DOT1L: variants seen among roughly 807,000 people sequenced by gnomAD.
DOT1L encodes DOT1 like histone lysine methyltransferase.
DOT1L carries 33 observed loss-of-function variants against 153.3 expected under a neutral mutation model. The observed-to-expected ratio is 0.22, with a 90% CI of 0.16 to 0.29. The LOEUF (loss-of-function observed/expected upper bound fraction) is 0.29. Ranked by LOEUF, DOT1L falls within the 10% of genes least tolerant of loss-of-function variation. The pLI is 1.00. For missense variants in DOT1L, 1,847 were observed against 2,119.9 expected (o/e 0.87, Z 2.53); for synonymous variants, 1,135 against 965.1 (o/e 1.18, Z -3.26).
At chr19:2,214,841 G>T in intron 19 of DOT1L, 1 of 478,914 alleles carries the variant, frequency 2.1e-6, no homozygotes, top group East Asian at 4.0e-5. Flanking sequence ...AATGCGCAGC[G>T]CTAACCTAGG....
chr19:2,199,396 G>A (rs985587752), intron 7 of DOT1L, among the ~76,000 whole-genome samples: 1 of 152,236 alleles, frequency 6.6e-6, no homozygotes, highest in African/African-American at 2.4e-5. Flanking sequence ...CAGCCTGGCC[G>A]AGTGTCGCTG....
rs773470272 is a variant in DOT1L at position 2,216,634 on chromosome 19, C to T, written c.2277C>T (p.Arg759=). The part of the protein sequence containing the change: ...PCTPSHVGRP[R]LEKLSGLAAP... ...CCCCTAGCCACGTCGGCCGGCCGCGCCTGGAGAAGCTGTCTGGCCTAGCCG... is the reference window on the plus strand; with the variant it reads ...CCCCTAGCCACGTCGGCCGGCCGCGTCTGGAGAAGCTGTCTGGCCTAGCCG... Residue 759 remains arginine (R), a synonymous_variant, in exon 20 of 28, where the codon CGC becomes CGT. Transcript: ENST00000398665. 42 of 1,605,744 alleles carry T rather than the reference C, an allele frequency of 2.6e-5. No homozygotes were observed. Among genetic ancestry groups the T allele is most frequent in the Non-Finnish European group, 3.1e-5 (36 of 1,179,922 alleles).
At chr19:2,189,576 A>G (rs750379407) in intron 3 of DOT1L, among the ~76,000 whole-genome samples, 156 bp from the exon 4 acceptor site, 8 of 152,184 alleles carry the variant, frequency 5.3e-5, no homozygotes, top group Non-Finnish European at 1.2e-4. Flanking sequence ...TCAGGGCGGA[A>G]AGCGAGGCTT....
In DOT1L at chr19:2,211,184, C is replaced by A; in HGVS notation, c.1437C>A (p.Pro479=). The stretch of plus-strand genomic sequence containing the variant: ...CCCCCAACCCGCTGCTGGTGGCGCC[C>A]ACCCCGCCCGCGCTGCAGAAGCTTC... ...RHSPNPLLVA[P]TPPALQKLLE... is the part of the protein sequence containing the mutation. The change falls in exon 15 of 28, where the codon CCC becomes CCA. Residue 479 remains proline (P), a synonymous_variant. Coordinates refer to ENST00000398665, the MANE Select transcript of DOT1L (RefSeq NM_032482.3). 1.9e-6 allele frequency: 3 copies of A among 1,611,622 alleles called. No individual in the cohort carries two copies. Among genetic ancestry groups the A allele is most frequent in the Non-Finnish European group, 1.7e-6 (2 of 1,179,348 alleles).
chr19:2,201,766 G>A (rs1406667212), intron 8 of DOT1L, among the ~76,000 whole-genome samples: 1 of 152,230 alleles, frequency 6.6e-6, no homozygotes, highest in Non-Finnish European at 1.5e-5. Context: ...TCTGGGCTCG[G>A]CCCAGGCTCT....
At chr19:2,210,362 G>A (rs770340704) in intron 12 of DOT1L, 38 bp from the exon 13 acceptor site, 22 of 1,473,192 alleles carry the variant, frequency 1.5e-5, no homozygotes, top group Middle Eastern at 4.9e-4. Context: ...CGTGGGCAGC[G>A]CTGGGGCTTC....
intron 9 of DOT1L, 26 bp downstream of exon 9, chr19:2,202,805 T>C (rs1372970901): frequency 6.2e-7 from 1 of 1,613,782 alleles, no homozygotes; most frequent in South Asian, 1.1e-5. Context: ...CGCCGGTCTG[T>C]GCTGGTGTGA....
chr19:2,225,278 G>A, intron 25 of DOT1L, 110 bp from the exon 26 acceptor site: 5 of 1,089,560 alleles, frequency 4.6e-6, no homozygotes, highest in Non-Finnish European at 7.0e-6. Context: ...TGGGCCGAGT[G>A]CTTCTCGTTC....
rs1325633975 is a variant in DOT1L, at chr19:2,220,433, T to TA, written c.2806+212dup. ...CTCAGCTGCAGCCATCTCGGCCTCA[T>TA]ACCTGGGTCTCCCGACACTGACACC... On this transcript the variant is annotated intron_variant, in intron 23 of 27. Coordinates refer to ENST00000398665, the MANE Select transcript of DOT1L (RefSeq NM_032482.3). The surrounding 1 kb of genome is among the most constrained non-coding windows in gnomAD (Gnocchi z 4.5). 6.0e-6 allele frequency: 4 copies of TA among 665,772 alleles called. No individual in the cohort carries two copies. The highest frequency in any genetic ancestry group is 2.1e-5 in the Admixed American group (1 of 48,622). The allele number at this position is 665,772 out of a possible 1,614,324, so 41.2% of individuals were successfully genotyped here.
intron 3 of DOT1L, among the ~76,000 whole-genome samples, chr19:2,188,009 C>T (rs923768958): frequency 2.6e-5 from 4 of 151,966 alleles, no homozygotes; most frequent in Admixed American, 6.6e-5. Flanking sequence ...GGCAGCAGGC[C>T]GGCTCTGTGG....
chr19:2,220,067 G>A lies in DOT1L; in HGVS notation c.2692-41G>A. The A allele has an allele frequency of 6.4e-7, 1 of 1,554,910 alleles. No homozygotes were observed. Among genetic ancestry groups the A allele is most frequent in the African/African-American group, 1.4e-5 (1 of 73,788 alleles). On this transcript the variant is annotated intron_variant, in intron 22 of 27. Transcript: ENST00000398665. This position sits in a 1 kb window ranked among gnomAD's most constrained non-coding sequence, Gnocchi z 4.5. ...TCCAGCTGGGTTCTGGGTCTCCTGG[G>A]GCACCTGCTGCCCCTGACACACAGG...
chr19:2,226,078 C>T, intron 26 of DOT1L, 105 bp from the exon 27 acceptor site: 5 of 1,292,336 alleles, frequency 3.9e-6, no homozygotes, highest in Non-Finnish European at 5.2e-6. Flanking sequence ...TGTGACCAGC[C>T]CTGCCTGCAG....
intron 2 of DOT1L, among the ~76,000 whole-genome samples, chr19:2,183,751 C>T (rs1470402429): frequency 6.6e-6 from 1 of 151,896 alleles, no homozygotes; most frequent in Non-Finnish European, 1.5e-5. Context: ...CTCAGCCTCC[C>T]GAGTAGCTGG....
chr19:2,199,473 G>A lies in DOT1L; in HGVS notation c.652-411G>A, dbSNP rs528165942. On this transcript the variant is annotated intron_variant, in intron 7 of 27. Coordinates refer to ENST00000398665, the MANE Select transcript of DOT1L (RefSeq NM_032482.3). ...CAGGCCCTGCCTGGAGCCCAGCATG[G>A]TGGGGACTGCAGGCCCTGCCTCGGG... Among the ~76,000 whole-genome samples, 6 of 152,368 alleles carry A rather than the reference G, an allele frequency of 3.9e-5. 1 individual carries two copies. In the South Asian group the frequency reaches 1.2e-3, roughly 32 times the overall value.
At chr19:2,221,904 T>C (rs2024130666) in intron 23 of DOT1L, 72 bp from the exon 24 acceptor site, 8 of 1,417,656 alleles carry the variant, frequency 5.6e-6, no homozygotes, top group East Asian at 2.5e-5. Context: ...TCCTAGGGGG[T>C]GGTGCTCCCA....
chr19:2,214,457 C>A lies in DOT1L; in HGVS notation c.1798-14C>A. 1 of 1,612,168 alleles carries A rather than the reference C, an allele frequency of 6.2e-7. No individual in the cohort carries two copies. Among genetic ancestry groups the A allele is most frequent in the South Asian group, 1.1e-5 (1 of 90,868 alleles). ...AGCCAGCCAGTCGCAACTGTCCCATCCCTATCCCCTCAGCTCAAGGCTCGC... is the reference window on the plus strand; with the variant it reads ...AGCCAGCCAGTCGCAACTGTCCCATACCTATCCCCTCAGCTCAAGGCTCGC... On this transcript the variant is annotated splice_polypyrimidine_tract_variant and intron_variant, in intron 18 of 27. Transcript: ENST00000398665.
At chr19:2,213,734 C>A (rs1568359347) in intron 17 of DOT1L, 94 bp downstream of exon 17, 1 of 1,600,982 alleles carries the variant, frequency 6.2e-7, no homozygotes, top group South Asian at 1.1e-5. Flanking sequence ...GGCTTCCTGT[C>A]TATGCCTCTG....
intron 2 of DOT1L, among the ~76,000 whole-genome samples, chr19:2,182,139 A>T (rs2022270273): frequency 6.6e-6 from 1 of 152,088 alleles, no homozygotes; most frequent in East Asian, 1.9e-4. Flanking sequence ...AGGCAGGAGA[A>T]TAGCTTGAAC....
At chr19:2,206,361 A>C (rs1599585740) in intron 9 of DOT1L, among the ~76,000 whole-genome samples, 2 of 152,004 alleles carry the variant, frequency 1.3e-5, no homozygotes, top group South Asian at 4.2e-4. Flanking sequence ...AGTTCCAGAC[A>C]AGCCTGGCCA....
Sources: gnomAD v4.1 joint callset for allele counts (sites outside exome capture counted in the v4.1 genomes callset) on GRCh38, gnomAD v4.1.1 for gene constraint, Gnocchi (gnomAD v3.1) non-coding constraint, MANE v1.5 for transcripts, NCBI Gene and HGNC (gene_info 2026-07-23, HGNC 2026-07-21) for gene names.